The following CUL2 variants were observed in gnomAD, a reference collection of about 807,000 sequenced individuals.
CUL2 encodes cullin 2.
CUL2 carries 22 observed loss-of-function variants against 110.2 expected under a neutral mutation model. That is an observed-to-expected ratio of 0.20 (90% CI 0.14 to 0.28). The LOEUF (loss-of-function observed/expected upper bound fraction) is 0.28, where lower values mean the gene tolerates loss of function less well. Among genes scored for constraint, CUL2 ranks in the 10% least tolerant of loss-of-function variants. The probability of loss-of-function intolerance (pLI) is 1.00; values close to 1 mark genes in which losing one functional copy is unlikely to be tolerated. For synonymous variants in CUL2, 279 were observed against 293.2 expected, an observed-to-expected ratio of 0.95 and a Z score of 0.49; for missense variants, 631 against 905.5, an observed-to-expected ratio of 0.70 and a Z score of 3.89.
chr10:35,057,530 G>A (rs1230167456), intron 4 of CUL2, among the ~76,000 whole-genome samples: 4 of 151,760 alleles, frequency 2.6e-5, no homozygotes, highest in South Asian at 2.1e-4. Flanking sequence ...GTGGTTGCCT[G>A]TAATCCCAGC....
intron 1 of CUL2, among the ~76,000 whole-genome samples, chr10:35,081,585 T>A (rs2086948610): frequency 6.6e-6 from 1 of 152,168 alleles, no homozygotes; most frequent in Non-Finnish European, 1.5e-5. Flanking sequence ...TTACACAAAT[T>A]ATCAAAACAT....
chr10:35,080,798 A>G (rs2086928693), intron 1 of CUL2, among the ~76,000 whole-genome samples: 1 of 152,144 alleles, frequency 6.6e-6, no homozygotes. Context: ...TGAGTTGGGG[A>G]AAAAAGAGTG....
At chr10:35,013,280 G>C (rs1199618924) in intron 19 of CUL2, among the ~76,000 whole-genome samples, 2 of 149,208 alleles carry the variant, frequency 1.3e-5, no homozygotes, top group Non-Finnish European at 3.0e-5. Context: ...GGGAGGCAGA[G>C]CTTGCAGTGA....
chr10:35,082,606 A>G (rs893427361), intron 1 of CUL2, among the ~76,000 whole-genome samples: 1 of 152,222 alleles, frequency 6.6e-6, no homozygotes, highest in Non-Finnish European at 1.5e-5. Context: ...GATCACAGGT[A>G]CAAAGTTCTG....
chr10:35,087,169 C>T (rs2087084826), intron 1 of CUL2, among the ~76,000 whole-genome samples: 1 of 152,242 alleles, frequency 6.6e-6, no homozygotes. Flanking sequence ...CATCTGGCCT[C>T]AGCTTCCCAA....
intron 2 of CUL2, among the ~76,000 whole-genome samples, chr10:35,067,841 C>T (rs1465438446): frequency 6.6e-6 from 1 of 152,030 alleles, no homozygotes; most frequent in Non-Finnish European, 1.5e-5. Flanking sequence ...GACGTGGTGG[C>T]TCATACCTGT....
chr10:35,103,566 G>A lies in CUL2; in HGVS notation c.-50-2506C>T, dbSNP rs556264949. Among the ~76,000 whole-genome samples, 49 of 151,824 alleles carry A rather than the reference G, an allele frequency of 3.2e-4. No homozygotes were observed. The East Asian group carries it at 3.3e-3, about 10-fold the overall frequency. ...TCTCGATCTCCTGACCTCGTGATCC[G>A]CCCGTCTCGGCCTCCCAAAGTGCTG... On this transcript the variant is annotated intron_variant, in intron 1 of 5. Transcript: ENST00000685421.
At chr10:35,089,833 AAC>A (rs1564749508) in intron 1 of CUL2, 2 of 151,890 alleles carry the variant, frequency 1.3e-5, no homozygotes, top group East Asian at 1.9e-4. Flanking sequence ...CACACACACA[AAC>A]ACACAGAGTT....
At chr10:35,016,476 G>A (rs1026639091) in intron 17 of CUL2, 82 bp from the exon 18 acceptor site, 15 of 1,066,228 alleles carry the variant, frequency 1.4e-5, no homozygotes, top group South Asian at 3.1e-5. Context: ...CATTTTCTTC[G>A]GAAAGAGTGA....
chr10:35,031,310 T>G lies in CUL2; in HGVS notation c.1376A>C (p.Asn459Thr). Residue 459 changes from asparagine (N) to threonine (T), a missense_variant, in exon 14 of 21, where the codon AAC becomes ACC. Asn to Thr is a moderately conservative substitution (Grantham distance 65). Around this residue, in one of 3 missense-constraint regions of CUL2, gnomAD observed 134 missense variants for 260.4 expected, o/e 0.51. Transcript: ENST00000374749. This position sits in a 1 kb window ranked among gnomAD's most constrained non-coding sequence, Gnocchi z 4.4. ...MSMDSEEAMI[N>T]KLKQACGYEF... The stretch of plus-strand genomic sequence containing the variant: ...AAAGACTTACATTACCTTTAATTTG[T>G]TGATCATGGCTTCTTCAGAGTCCAT... 1 of 1,585,436 alleles carries G rather than the reference T, an allele frequency of 6.3e-7. No homozygotes were observed. Among genetic ancestry groups the G allele is most frequent in the Non-Finnish European group, 8.6e-7 (1 of 1,167,826 alleles).
Position 35,104,615 on chromosome 10 carries a change from G to A in CUL2, c.-50-3555C>T, listed in dbSNP as rs1310846075. The stretch of plus-strand genomic sequence containing the variant: ...ATAGGGTAAATTTTAGGAAACCATA[G>A]TAATGTGCAAATACAGGCACTCAAT... On this transcript the variant is annotated intron_variant, in intron 1 of 5. Coordinates refer to the CUL2 transcript ENST00000685421. 2.6e-5 allele frequency among the ~76,000 whole-genome samples: 4 copies of A among 152,106 alleles called. No homozygotes were observed. In the East Asian group the frequency reaches 7.7e-4, roughly 29 times the overall value.
chr10:35,045,821 T>C (rs529411674), intron 6 of CUL2, among the ~76,000 whole-genome samples: 28 of 152,344 alleles, frequency 1.8e-4, no homozygotes, highest in Middle Eastern at 3.4e-3. Context: ...CTAGTACCAA[T>C]GCTCAAATCA....
chr10:35,023,398 A>G (rs1337700938), intron 17 of CUL2, among the ~76,000 whole-genome samples: 2 of 152,208 alleles, frequency 1.3e-5, no homozygotes, highest in African/African-American at 4.8e-5. Context: ...CACAAATAAT[A>G]TTAAATAAAA....
In CUL2 at chr10:35,049,565, C is replaced by A; in HGVS notation, c.506+118G>T. Reference sequence around the variant, plus strand: ...TGCTGGCATTGGAAGTAAAATGAGGCTCATTACAGTAAAACCAGCCCCAAG... The same window carrying A: ...TGCTGGCATTGGAAGTAAAATGAGGATCATTACAGTAAAACCAGCCCCAAG... On this transcript the variant is annotated intron_variant, in intron 6 of 20. Transcript: ENST00000374749. The A allele has an allele frequency of 4.7e-6, 3 of 640,454 alleles. No individual in the cohort carries two copies. In the South Asian group the frequency reaches 7.6e-5, roughly 16 times the overall value. The allele number at this position is 640,454 out of a possible 1,614,324, so 39.7% of individuals were successfully genotyped here.
chr10:35,075,722 T>C (rs1202170787), intron 1 of CUL2, among the ~76,000 whole-genome samples: 1 of 152,096 alleles, frequency 6.6e-6, no homozygotes, highest in African/African-American at 2.4e-5. Context: ...AATAAAAATT[T>C]ATATTTAATT....
chr10:35,103,450 G>A (rs923534618), intron 1 of CUL2, among the ~76,000 whole-genome samples: 4 of 148,618 alleles, frequency 2.7e-5, no homozygotes, highest in Admixed American at 1.4e-4. Flanking sequence ...TCAGCCTCCC[G>A]AGTAGCTGGG....
In CUL2 at chr10:35,113,390, C is replaced by T. The variant is rs185734897; in HGVS notation, c.-50-12330G>A. ...GTATGTGCCTGTAATCCCAGCTACT[C>T]GGGAGGCTGGGGCAGTAGAATTGCT... On this transcript the variant is annotated intron_variant, in intron 1 of 5. Transcript: ENST00000685421. Among the ~76,000 whole-genome samples the T allele has an allele frequency of 1.7e-4, 25 of 143,188 alleles. No homozygotes were observed. In the East Asian group the frequency reaches 2.2e-3, roughly 13 times the overall value. 93.9% of individuals were successfully genotyped at this position (143,188 alleles called of 152,430 possible). A position where few individuals can be genotyped will look rare whatever the true frequency, so the allele number is the denominator to read the frequency against.
intron 4 of CUL2, among the ~76,000 whole-genome samples, chr10:35,055,369 C>T (rs1165373837): frequency 6.6e-6 from 1 of 152,226 alleles, no homozygotes; most frequent in Admixed American, 6.5e-5. Context: ...GAAGGGTCCA[C>T]TCAGCATTTA....
chr10:35,027,818 T>A (rs535857752), intron 16 of CUL2, among the ~76,000 whole-genome samples: 95 of 152,240 alleles, frequency 6.2e-4, no homozygotes, highest in African/African-American at 2.1e-3. Flanking sequence ...ATTTTTGGAA[T>A]CAGAATTTTA....
Sources: gnomAD v4.1 joint callset for allele counts (sites outside exome capture counted in the v4.1 genomes callset) on GRCh38, gnomAD v4.1.1 for gene constraint, gnomAD v4.1.1 regional missense constraint, Gnocchi (gnomAD v3.1) non-coding constraint, MANE v1.5 for transcripts, NCBI Gene and HGNC (gene_info 2026-07-23, HGNC 2026-07-21) for gene names.